ZNF20: variants seen among roughly 807,000 people sequenced by gnomAD.
ZNF20 encodes zinc finger protein 20, also known as zinc finger protein KOX13.
A neutral mutation model predicts 11.0 loss-of-function variants in ZNF20; 9 were observed. That is an observed-to-expected ratio of 0.82 (90% CI 0.49 to 1.43). ZNF20 has a LOEUF of 1.43. Ranked by LOEUF, ZNF20 falls within the 40% of genes most tolerant of loss-of-function variation. ZNF20 has a pLI of 0.00. For missense variants in ZNF20, 528 were observed against 640.8 expected, an observed-to-expected ratio of 0.82 and a Z score of 1.90; for synonymous variants, 182 against 213.0, an observed-to-expected ratio of 0.85 and a Z score of 1.27.
Position 12,132,941 on chromosome 19 carries a change from C to A in ZNF20, c.1245G>T (p.Arg415Ser). 1 of 1,614,104 alleles carries A rather than the reference C, an allele frequency of 6.2e-7. No individual in the cohort carries two copies. Among genetic ancestry groups the A allele is most frequent in the Non-Finnish European group, 8.5e-7 (1 of 1,179,996 alleles). Residue 415 changes from arginine to serine, a missense_variant, in exon 4 of 4, where the codon AGG (arginine) becomes AGT (serine). By Grantham distance (110) the Arg-to-Ser change is moderately radical. Coordinates refer to ENST00000334213, the MANE Select transcript of ZNF20 (RefSeq NM_021143.4). ...KYFSSLRIHERTHTGEKPHEC... is the reference protein window; with the variant it reads ...KYFSSLRIHESTHTGEKPHEC... ...CATGGGGCTTCTCTCCAGTGTGCGT[C>A]CTTTCATGTATACGCAAGGAAGAAA...
chr19:12,133,874 T>G lies in ZNF20; in HGVS notation c.312A>C (p.Pro104=). ...CTTCTCCACACACACTGCTTTCACA[T>G]GGTGTTATTCCAGGAAGAGTTTTCC... ...LNRKTLPGIT[P]CESSVCGEVG... is the part of the protein sequence containing the mutation. The change falls in exon 4 of 4, where the codon CCA becomes CCC. Residue 104 remains proline (P), a synonymous_variant. Coordinates refer to ENST00000334213, the MANE Select transcript of ZNF20 (RefSeq NM_021143.4). The G allele has an allele frequency of 1.9e-6, 3 of 1,614,216 alleles. No homozygotes were observed. Among genetic ancestry groups the G allele is most frequent in the Non-Finnish European group, 2.5e-6 (3 of 1,180,034 alleles).
chr19:12,132,461 C>T lies in ZNF20; in HGVS notation c.*126G>A, dbSNP rs76936724. The stretch of plus-strand genomic sequence containing the variant: ...GTTCTTCTAGATTTTATTGTCCTAT[C>T]GCAAGTCTCTCTTCTCAATTCAAAA... On this transcript the variant is annotated 3_prime_UTR_variant, in exon 4 of 4. Coordinates refer to ENST00000334213, the MANE Select transcript of ZNF20 (RefSeq NM_021143.4). 29,479 of 948,892 alleles carry T rather than the reference C, an allele frequency of 0.031. 590 individuals are homozygous for T. Among genetic ancestry groups the T allele is most frequent in the Non-Finnish European group, 0.036 (22,824 of 636,632 alleles). The allele number at this position is 948,892 out of a possible 1,614,324, so 58.8% of individuals were successfully genotyped here.
chr19:12,132,696 T>A lies in ZNF20; in HGVS notation c.1490A>T (p.Glu497Val). Residue 497 changes from glutamate to valine, a missense_variant, in exon 4 of 4, where the codon GAA becomes GTA. Physicochemically the swap from Glu to Val is moderately radical, Grantham distance 121. Transcript: ENST00000334213. ...GGGTTTCTCTCCAGTGTGAGTCCTT[T>A]CATGATATCGAATGTAATTGGAAAT... ...AFISNYIRYH[E>V]RTHTGEKPYQ... The A allele has an allele frequency of 1.2e-6, 2 of 1,613,992 alleles. No individual in the cohort carries two copies. Among genetic ancestry groups the A allele is most frequent in the South Asian group, 2.2e-5 (2 of 91,078 alleles).
At position 12,140,278 on chromosome 19, in the gene ZNF20, G is replaced by A; in HGVS notation, c.-96C>T. 1 of 1,505,954 alleles carries A rather than the reference G, an allele frequency of 6.6e-7. No individual in the cohort carries two copies. The highest frequency in any genetic ancestry group is 1.4e-5 in the African/African-American group (1 of 72,296). 93.3% of individuals were successfully genotyped at this position (1,505,954 alleles called of 1,614,324 possible). A position where few individuals can be genotyped will look rare whatever the true frequency, so the allele number is the denominator to read the frequency against. ...GCAGAGCGACAGAAGTTGTGGCAGA[G>A]GGACCCGGGGCCTCTCGGAGTAGGA... On this transcript the variant is annotated 5_prime_UTR_variant, in exon 1 of 4. Transcript: ENST00000334213.
rs771521087 is a variant in ZNF20 at position 12,135,834 on chromosome 19, T to C, written c.74A>G (p.Asp25Gly). Residue 25 changes from aspartate to glycine, a missense_variant, in exon 2 of 4, where the codon GAT becomes GGT. Coordinates refer to ENST00000334213, the MANE Select transcript of ZNF20 (RefSeq NM_021143.4). ...CCTGTAGAGATTCTTCTGGGAAGGA[T>C]CCAGCAAAGCCCACTCCTCCTGGGT... is the stretch of plus-strand genomic sequence containing the variant. ...SFTQEEWALL[D>G]PSQKNLYRDV... 2.5e-6 allele frequency: 4 copies of C among 1,614,108 alleles called. No individual in the cohort carries two copies. Among genetic ancestry groups the C allele is most frequent in the Non-Finnish European group, 3.4e-6 (4 of 1,180,036 alleles).
At position 12,132,884 on chromosome 19, in the gene ZNF20, A is replaced by AT; in HGVS notation, c.1301dup (p.Tyr434Ter). The change falls in exon 4 of 4, where the codon TAT (tyrosine) becomes TAAT (stop). Residue 434 changes from tyrosine (Y) to a stop codon, truncating the protein, a stop_gained and frameshift_variant. Transcript: ENST00000334213. LOFTEE classifies it low-confidence loss of function (END_TRUNC). ...TTTCATGTATATGCAAGGAAGAGAA[A>AT]TACCTGAATGCTTTTCCACATTGCT... ...ECKQCGKAFR[Y>*]FSSLHIHERT... The AT allele has an allele frequency of 6.2e-7, 1 of 1,614,178 alleles. No homozygotes were observed. The highest frequency in any genetic ancestry group is 2.2e-5 in the East Asian group (1 of 44,878).
At chr19:12,138,811 C>G (rs1196492758) in intron 1 of ZNF20, among the ~76,000 whole-genome samples, 1 of 151,786 alleles carries the variant, frequency 6.6e-6, no homozygotes, top group African/African-American at 2.4e-5. Context: ...AAGAGCGAAA[C>G]TCCGTCTCAA....
chr19:12,139,640 C>T lies in ZNF20; in HGVS notation c.3+540G>A, dbSNP rs1204926264. 3.3e-5 allele frequency among the ~76,000 whole-genome samples: 5 copies of T among 151,872 alleles called. No homozygotes were observed. The highest frequency in any genetic ancestry group is 5.9e-5 in the Non-Finnish European group (4 of 67,990). ...TCGTCTCCTGGGGTCATGCGATTCT[C>T]CTGCTTCAGCCTCCTGAGTAGCGGG... On this transcript the variant is annotated intron_variant, in intron 1 of 3. Coordinates refer to ENST00000334213, the MANE Select transcript of ZNF20 (RefSeq NM_021143.4). This position sits in a 1 kb window ranked among gnomAD's most constrained non-coding sequence, Gnocchi z 4.0.
In ZNF20 at chr19:12,132,952, T is replaced by A. The variant is rs1482188205; in HGVS notation, c.1234A>T (p.Ile412Leu). ...KVFKYFSSLR[I>L]HERTHTGEKP... ...TCTCCAGTGTGCGTCCTTTCATGTA[T>A]ACGCAAGGAAGAAAAATACTTGAAT... The change falls in exon 4 of 4, where the codon ATA becomes TTA. Residue 412 changes from isoleucine to leucine, a missense_variant. By Grantham distance (5) the Ile-to-Leu change is conservative (BLOSUM62 2). Transcript: ENST00000334213. 1 of 1,613,990 alleles carries A rather than the reference T, an allele frequency of 6.2e-7. No homozygotes were observed.
chr19:12,132,522 T>A lies in ZNF20; in HGVS notation c.*65A>T. Reference sequence around the variant, plus strand: ...CAGAGGTTCTTTCACCACTCTCTTTTCTTGTGTTTCAAAGGAAGTGGGACA... The same window carrying A: ...CAGAGGTTCTTTCACCACTCTCTTTACTTGTGTTTCAAAGGAAGTGGGACA... On this transcript the variant is annotated 3_prime_UTR_variant, in exon 4 of 4. Transcript: ENST00000334213. The A allele has an allele frequency of 6.8e-7, 1 of 1,480,612 alleles. No homozygotes were observed. The highest frequency in any genetic ancestry group is 2.3e-5 in the East Asian group (1 of 43,994). The allele number at this position is 1,480,612 out of a possible 1,614,324, so 91.7% of individuals were successfully genotyped here. A position where few individuals can be genotyped will look rare whatever the true frequency, so the allele number is the denominator to read the frequency against.
rs757050022 is a variant in ZNF20 at position 12,135,909 on chromosome 19, C to A, written c.4-5G>T. 1 of 1,613,788 alleles carries A rather than the reference C, an allele frequency of 6.2e-7. No individual in the cohort carries two copies. Among genetic ancestry groups the A allele is most frequent in the Non-Finnish European group, 8.5e-7 (1 of 1,179,924 alleles). On this transcript the variant is annotated splice_region_variant and splice_polypyrimidine_tract_variant and intron_variant, in intron 1 of 3. Coordinates refer to ENST00000334213, the MANE Select transcript of ZNF20 (RefSeq NM_021143.4). ...GGCCACTGAATCCTGAAACATCTCA[C>A]ATATATAAAAGAGGACAGGTAAGAC...
At position 12,135,775 on chromosome 19, in the gene ZNF20, A is replaced by G; in HGVS notation, c.133T>C (p.Ser45Pro). 2 of 1,613,692 alleles carry G rather than the reference A, an allele frequency of 1.2e-6. No individual in the cohort carries two copies. The highest frequency in any genetic ancestry group is 1.1e-5 in the South Asian group (1 of 90,996). Residue 45 changes from serine to proline, a missense_variant, in exon 2 of 4, where the codon TCT becomes CCT. Ser to Pro is a moderately conservative substitution (Grantham distance 74). Coordinates refer to ENST00000334213, the MANE Select transcript of ZNF20 (RefSeq NM_021143.4). Reference sequence around the variant, plus strand: ...GTAATATTGTCATTCTTACCTACAGAGGTCAGGTTCTTGAAGGTTTCCTGC... The same window carrying G: ...GTAATATTGTCATTCTTACCTACAGGGGTCAGGTTCTTGAAGGTTTCCTGC... ...VMQETFKNLT[S>P]VGKTWKVQNI... is the part of the protein sequence containing the mutation.
chr19:12,134,515 C>T (rs773043405), intron 3 of ZNF20, among the ~76,000 whole-genome samples: 13 of 151,916 alleles, frequency 8.6e-5, no homozygotes, highest in Admixed American at 2.0e-4. Flanking sequence ...TGACGGCGTG[C>T]GCTTGTAATC....
chr19:12,137,477 G>C (rs1976730845), intron 1 of ZNF20, among the ~76,000 whole-genome samples: 1 of 152,056 alleles, frequency 6.6e-6, no homozygotes, highest in Admixed American at 6.6e-5. Flanking sequence ...TTGCCCCACT[G>C]ACCCTTATAC....
Position 12,135,983 on chromosome 19 carries a change from C to G in ZNF20, c.4-79G>C. On this transcript the variant is annotated intron_variant, in intron 1 of 3. Coordinates refer to ENST00000334213, the MANE Select transcript of ZNF20 (RefSeq NM_021143.4). ...TTATTCCTAAGAAGTTCTCATGATACTGTGGACTCCAAACATTTATCCCAT... is the reference window on the plus strand; with the variant it reads ...TTATTCCTAAGAAGTTCTCATGATAGTGTGGACTCCAAACATTTATCCCAT... 2.6e-6 allele frequency: 4 copies of G among 1,528,850 alleles called. No homozygotes were observed. In the South Asian group the frequency reaches 5.0e-5, roughly 19 times the overall value. 94.7% of individuals were successfully genotyped at this position (1,528,850 alleles called of 1,614,324 possible).
At chr19:12,135,433 C>T in intron 3 of ZNF20, 67 bp downstream of exon 3, 1 of 1,539,790 alleles carries the variant, frequency 6.5e-7, no homozygotes, top group South Asian at 1.1e-5. Context: ...AGCCACTGTA[C>T]CCGGCCTATT....
In ZNF20 at chr19:12,133,989, C is replaced by T; in HGVS notation, c.201-4G>A. The T allele has an allele frequency of 1.3e-6, 2 of 1,593,648 alleles. No homozygotes were observed. The highest frequency in any genetic ancestry group is 1.7e-6 in the Non-Finnish European group (2 of 1,170,734). On this transcript the variant is annotated splice_polypyrimidine_tract_variant and splice_region_variant and intron_variant, in intron 3 of 3. Transcript: ENST00000334213. Reference sequence around the variant, plus strand: ...ACAGAGTTTCTCTCTCATAAGACTTCAGTGAAAAATGAGAAGCACATTATT... The same window carrying T: ...ACAGAGTTTCTCTCTCATAAGACTTTAGTGAAAAATGAGAAGCACATTATT...
At position 12,132,484 on chromosome 19, in the gene ZNF20, A is replaced by G; in HGVS notation, c.*103T>C. 8.2e-7 allele frequency: 1 copy of G among 1,220,688 alleles called. No individual in the cohort carries two copies. Among genetic ancestry groups the G allele is most frequent in the Non-Finnish European group, 1.1e-6 (1 of 876,450 alleles). 75.6% of individuals were successfully genotyped at this position (1,220,688 alleles called of 1,614,324 possible). ...ATCGCAAGTCTCTCTTCTCAATTCA[A>G]AAAGCAGTTATCCAGAGGTTCTTTC... On this transcript the variant is annotated 3_prime_UTR_variant, in exon 4 of 4. Coordinates refer to ENST00000334213, the MANE Select transcript of ZNF20 (RefSeq NM_021143.4).
intron 3 of ZNF20, 108 bp downstream of exon 3, chr19:12,135,392 G>A (rs1256105523): frequency 3.2e-5 from 36 of 1,139,636 alleles, no homozygotes; most frequent in East Asian, 9.5e-5. Flanking sequence ...CACCCACCTC[G>A]ACCTCCCAAA....
Sources: allele counts gnomAD v4.1 joint callset (sites outside exome capture counted in the v4.1 genomes callset), GRCh38; gene constraint gnomAD v4.1.1; non-coding constraint Gnocchi (gnomAD v3.1); transcripts MANE v1.5; gene names NCBI Gene and HGNC (gene_info 2026-07-23, HGNC 2026-07-21).